The following CPNE5 variants were observed in gnomAD, a reference collection of about 807,000 sequenced individuals.
The protein encoded by CPNE5 is copine-5.
A neutral mutation model predicts 81.1 loss-of-function variants in CPNE5; 42 were observed. The ratio of observed to expected loss-of-function variants is 0.52; its 90% CI spans 0.40 to 0.67. The LOEUF is 0.67. Among genes scored for constraint, CPNE5 ranks in the 30% least tolerant of loss-of-function variants. The pLI is 0.00. For synonymous variants in CPNE5, 313 were observed against 321.5 expected (o/e 0.97, Z 0.28); for missense variants, 612 against 815.5 (o/e 0.75, Z 3.04).
intron 11 of CPNE5, among the ~76,000 whole-genome samples, chr6:36,763,767 G>A (rs1296764797): frequency 6.6e-6 from 1 of 152,154 alleles, no homozygotes; most frequent in East Asian, 1.9e-4. Context: ...AAACATAGAT[G>A]AAGCAAATAT....
At chr6:36,833,136 T>A (rs1773106059) in intron 1 of CPNE5, among the ~76,000 whole-genome samples, 2 of 152,124 alleles carry the variant, frequency 1.3e-5, no homozygotes, top group Non-Finnish European at 2.9e-5. Context: ...CAACCTCCAA[T>A]CTCAAGAAGC....
chr6:36,747,258 C>G (rs573029164), intron 15 of CPNE5, among the ~76,000 whole-genome samples: 172 of 152,212 alleles, frequency 1.1e-3, no homozygotes, highest in African/African-American at 3.9e-3. Flanking sequence ...GATTTCCCCC[C>G]CCAGAGCCCT....
rs780205116 is a variant in CPNE5, at chr6:36,743,757, C to T, written c.1495G>A (p.Val499Met). 3.7e-6 allele frequency: 6 copies of T among 1,611,838 alleles called. No individual in the cohort carries two copies. The highest frequency in any genetic ancestry group is 2.2e-5 in the East Asian group (1 of 44,880). Residue 499 changes from valine to methionine, a missense_variant, in exon 20 of 21, where the codon GTG becomes ATG. Coordinates refer to ENST00000244751, the MANE Select transcript of CPNE5 (RefSeq NM_020939.2). ...GVGQAEFDAM[V>M]ELDGDDVRIS... ...CGCACGTCGTCGCCATCCAGCTCCACCATGGCTGTGAGGGGAGGAGTGTCA... is the reference window on the plus strand; with the variant it reads ...CGCACGTCGTCGCCATCCAGCTCCATCATGGCTGTGAGGGGAGGAGTGTCA...
chr6:36,810,240 C>T (rs1425257345), intron 3 of CPNE5, among the ~76,000 whole-genome samples: 1 of 152,124 alleles, frequency 6.6e-6, no homozygotes, highest in East Asian at 1.9e-4. Flanking sequence ...GGAGCCATCC[C>T]CCAGCTGCAA....
intron 3 of CPNE5, among the ~76,000 whole-genome samples, chr6:36,807,327 C>T (rs1025666122): frequency 4.2e-4 from 64 of 152,204 alleles, no homozygotes; most frequent in African/African-American, 1.5e-3. Context: ...ATGCCTTTAC[C>T]TCTCTGTGCC....
intron 11 of CPNE5, among the ~76,000 whole-genome samples, chr6:36,763,524 AC>A (rs1366306674): frequency 2.0e-5 from 3 of 150,066 alleles, no homozygotes; most frequent in Non-Finnish European, 4.4e-5. Context: ...AATCGCTTGA[AC>A]CCAGGAGGTG....
intron 8 of CPNE5, among the ~76,000 whole-genome samples, chr6:36,786,492 CT>C (rs1768563331): frequency 6.6e-6 from 1 of 152,168 alleles, no homozygotes; most frequent in Admixed American, 6.5e-5. Flanking sequence ...CATTCAGAGG[CT>C]GAAAACCCCA....
chr6:36,814,400 A>C lies in CPNE5; in HGVS notation c.183+7714T>G, dbSNP rs577942999. ...AATCCAACAAACGACACATGATGGC[A>C]ATAAATGTGAAATCACAGATTTAGG... On this transcript the variant is annotated intron_variant, in intron 3 of 20. Transcript: ENST00000244751. Among the ~76,000 whole-genome samples, 5 of 152,368 alleles carry C rather than the reference A, an allele frequency of 3.3e-5. No individual in the cohort carries two copies. In the South Asian group the frequency reaches 1.0e-3, roughly 32 times the overall value.
At chr6:36,758,410 T>G (rs537104570) in intron 12 of CPNE5, among the ~76,000 whole-genome samples, 11 of 148,718 alleles carry the variant, frequency 7.4e-5, no homozygotes, top group African/African-American at 2.8e-4. Context: ...CCACCATGTC[T>G]GGCTATTTTT....
intron 1 of CPNE5, among the ~76,000 whole-genome samples, chr6:36,824,248 G>A (rs1449183915): frequency 6.6e-6 from 1 of 152,204 alleles, no homozygotes; most frequent in East Asian, 1.9e-4. Context: ...ACAGGAAGGG[G>A]CTGGAGGACT....
chr6:36,792,214 C>T (rs1479916697), intron 7 of CPNE5, 118 bp from the exon 8 acceptor site: 2 of 1,193,146 alleles, frequency 1.7e-6, no homozygotes, highest in Non-Finnish European at 2.4e-6. Flanking sequence ...CAGCAGATCA[C>T]CCCAAAGCCC....
intron 1 of CPNE5, among the ~76,000 whole-genome samples, chr6:36,825,864 G>T (rs969343766): frequency 3.9e-5 from 6 of 152,164 alleles, no homozygotes; most frequent in African/African-American, 1.4e-4. Flanking sequence ...GGAGGAGGGG[G>T]ACTTCTCTAC....
At position 36,799,970 on chromosome 6, in the gene CPNE5, T is replaced by C. The variant is rs1769957976; in HGVS notation, c.284A>G (p.Asp95Gly). 1.2e-6 allele frequency: 2 copies of C among 1,610,468 alleles called. No homozygotes were observed. The highest frequency in any genetic ancestry group is 1.7e-6 in the Non-Finnish European group (2 of 1,176,878). Reference sequence around the variant, plus strand: ...TTCAGCACCATCTTCCACTTACAGATCAAAACGGAGGTTCTGCTTCTCCTC... The same window carrying C: ...TTCAGCACCATCTTCCACTTACAGACCAAAACGGAGGTTCTGCTTCTCCTC... ...FFEEKQNLRF[D>G]LYDVDSKSPD... Residue 95 changes from aspartate (D) to glycine (G), a missense_variant, in exon 4 of 21, where the codon GAT becomes GGT. By Grantham distance (94) the Asp-to-Gly change is moderately conservative (BLOSUM62 -1). Coordinates refer to ENST00000244751, the MANE Select transcript of CPNE5 (RefSeq NM_020939.2).
intron 1 of CPNE5, chr6:36,827,226 C>T (rs947194220): frequency 1.5e-6 from 1 of 661,334 alleles, no homozygotes; most frequent in Non-Finnish European, 1.9e-6. Flanking sequence ...TCCCTGCGCC[C>T]TACACCCTCT....
At chr6:36,759,802 G>A (rs1765845354) in intron 12 of CPNE5, among the ~76,000 whole-genome samples, 1 of 151,942 alleles carries the variant, frequency 6.6e-6, no homozygotes, top group African/African-American at 2.4e-5. Context: ...AGACAGCACG[G>A]AGGTTCAGAG....
At chr6:36,828,308 C>CAAAAAAAAAAAAAA (rs11444450) in intron 1 of CPNE5, among the ~76,000 whole-genome samples, 2 of 78,646 alleles carry the variant, frequency 2.5e-5, no homozygotes, top group Non-Finnish European at 5.0e-5. Context: ...AACAACAAAC[C>CAAAAAAAAAAAAAA]AAAAAAAAAA....
At chr6:36,760,472 T>C (rs533790616) in intron 12 of CPNE5, among the ~76,000 whole-genome samples, 40 of 152,046 alleles carry the variant, frequency 2.6e-4, no homozygotes, top group Middle Eastern at 3.4e-3. Flanking sequence ...GGTTACTGTG[T>C]AGAGGACAGA....
At chr6:36,812,787 C>T (rs1346287823) in intron 3 of CPNE5, among the ~76,000 whole-genome samples, 2 of 152,332 alleles carry the variant, frequency 1.3e-5, no homozygotes. Context: ...TTCCAAGTGA[C>T]CTAAGGCTCA....
chr6:36,762,825 C>A (rs1052915165), intron 12 of CPNE5, 92 bp downstream of exon 12: 2 of 1,023,234 alleles, frequency 2.0e-6, no homozygotes, highest in East Asian at 4.8e-5. Flanking sequence ...GGAAAACACA[C>A]CAAGCCCCCA....
Sources: allele counts gnomAD v4.1 joint callset (sites outside exome capture counted in the v4.1 genomes callset), GRCh38; gene constraint gnomAD v4.1.1; transcripts MANE v1.5; gene names NCBI Gene and HGNC (gene_info 2026-07-23, HGNC 2026-07-21).